Variants in SLC25A21 observed in about 807,000 individuals in gnomAD.
The protein encoded by SLC25A21 is mitochondrial 2-oxodicarboxylate carrier.
A neutral mutation model predicts 43.8 loss-of-function variants in SLC25A21; 47 were observed. That is an observed-to-expected ratio of 1.07 (90% confidence interval 0.85 to 1.37). SLC25A21 has a LOEUF of 1.37. Among genes scored for constraint, SLC25A21 ranks in the 40% most tolerant of loss-of-function variants. The pLI is 0.00. For missense variants in SLC25A21, 352 were observed against 350.2 expected (o/e 1.00, Z -0.04); for synonymous variants, 131 against 121.3 (o/e 1.08, Z -0.52).
chr14:36,764,192 G>GAAAGAAAGAAAGAAAGAAAGAA lies in SLC25A21; in HGVS notation c.204-29620_204-29619insTTCTTTCTTTCTTTCTTTCTTT, dbSNP rs141041432. Among the ~76,000 whole-genome samples the GAAAGAAAGAAAGAAAGAAAGAA allele has an allele frequency of 1.0e-3, 56 of 55,302 alleles. 5 individuals carry two copies. The highest frequency in any genetic ancestry group is 4.5e-3 in the East Asian group (9 of 1,996). The allele number at this position is 55,302 out of a possible 152,430, so 36.3% of individuals were successfully genotyped here. The stretch of plus-strand genomic sequence containing the variant: ...AGAAAGAAAGAAAGAAAGAAAGAAA[G>GAAAGAAAGAAAGAAAGAAAGAA]AGAAAGAAAGAAACTGTTAGCTTCC... On this transcript the variant is annotated intron_variant, in intron 3 of 9. Coordinates refer to ENST00000331299, the MANE Select transcript of SLC25A21 (RefSeq NM_030631.4).
intron 3 of SLC25A21, among the ~76,000 whole-genome samples, chr14:36,750,812 G>T (rs572079761): frequency 6.6e-6 from 1 of 152,256 alleles, no homozygotes; most frequent in African/African-American, 2.4e-5. Context: ...CAGTACCTTT[G>T]CCAGGCAGTT....
At chr14:36,984,225 T>C (rs1383677479) in intron 1 of SLC25A21, among the ~76,000 whole-genome samples, 1 of 152,194 alleles carries the variant, frequency 6.6e-6, no homozygotes, top group Non-Finnish European at 1.5e-5. Context: ...TTACCTCTCC[T>C]GTTATTTGCC....
chr14:36,954,456 A>T (rs1426698971), intron 1 of SLC25A21, among the ~76,000 whole-genome samples: 1 of 151,782 alleles, frequency 6.6e-6, no homozygotes, highest in Admixed American at 6.6e-5. Context: ...TTAGGTTTCC[A>T]TTATTTTCTT....
At chr14:37,011,155 G>A (rs1026221319) in intron 1 of SLC25A21, among the ~76,000 whole-genome samples, 1 of 152,086 alleles carries the variant, frequency 6.6e-6, no homozygotes, top group Non-Finnish European at 1.5e-5. Flanking sequence ...CCAAACTGCG[G>A]GGCTTACAGG....
At chr14:36,934,732 GA>G (rs1892377315) in intron 1 of SLC25A21, among the ~76,000 whole-genome samples, 1 of 152,098 alleles carries the variant, frequency 6.6e-6, no homozygotes, top group Non-Finnish European at 1.5e-5. Context: ...GAGAGAGAGA[GA>G]GAGAGAGAAA....
intron 1 of SLC25A21, among the ~76,000 whole-genome samples, chr14:37,069,450 C>T (rs1345782007): frequency 6.6e-6 from 1 of 152,138 alleles, no homozygotes; most frequent in Non-Finnish European, 1.5e-5. Flanking sequence ...TATGCGTAGA[C>T]ATCCTTTAAA....
chr14:37,129,632 G>A (rs1003280771), intron 1 of SLC25A21, among the ~76,000 whole-genome samples: 4 of 150,392 alleles, frequency 2.7e-5, no homozygotes, highest in South Asian at 2.1e-4. Context: ...GAGATATATT[G>A]TGTTAAAACA....
intron 2 of SLC25A21, among the ~76,000 whole-genome samples, chr14:36,856,435 G>T (rs1889900571): frequency 6.6e-6 from 1 of 152,154 alleles, no homozygotes; most frequent in Admixed American, 6.5e-5. Context: ...AAGGGAGGAG[G>T]AGTAATGGTG....
At chr14:36,898,291 C>T (rs1354684640) in intron 1 of SLC25A21, among the ~76,000 whole-genome samples, 2 of 152,190 alleles carry the variant, frequency 1.3e-5, no homozygotes, top group Non-Finnish European at 2.9e-5. Flanking sequence ...GACTGCTGTG[C>T]TAGCAATGAG....
chr14:36,689,508 A>G (rs1262729364), intron 7 of SLC25A21, among the ~76,000 whole-genome samples: 1 of 152,230 alleles, frequency 6.6e-6, no homozygotes, highest in East Asian at 1.9e-4. Context: ...AAGTAAGGAA[A>G]GGGCAGTGCA....
chr14:36,978,112 T>A lies in SLC25A21; in HGVS notation c.71-103108A>T, dbSNP rs578091876. Among the ~76,000 whole-genome samples, 7 of 152,280 alleles carry A rather than the reference T, an allele frequency of 4.6e-5. No individual in the cohort carries two copies. The South Asian group carries it at 1.4e-3, about 32-fold the overall frequency. On this transcript the variant is annotated intron_variant, in intron 1 of 9. Transcript: ENST00000331299. ...ATATATAAGTGATTAGTGATTTTCT[T>A]CTGTGACTCAAACTGGCTCTAAGGT...
intron 2 of SLC25A21, among the ~76,000 whole-genome samples, chr14:36,846,470 C>G (rs897238745): frequency 3.3e-5 from 5 of 152,154 alleles, no homozygotes; most frequent in African/African-American, 1.2e-4. Context: ...CAACCTCCAC[C>G]TCCTGGGTTC....
intron 1 of SLC25A21, among the ~76,000 whole-genome samples, chr14:36,964,346 T>C (rs1467272548): frequency 2.6e-5 from 4 of 152,216 alleles, no homozygotes; most frequent in African/African-American, 9.6e-5. Context: ...CCCTCATGTA[T>C]GTTAACAAAT....
At chr14:37,041,670 G>A (rs1961475260) in intron 1 of SLC25A21, among the ~76,000 whole-genome samples, 1 of 152,128 alleles carries the variant, frequency 6.6e-6, no homozygotes. Context: ...ATATAGTAAT[G>A]TGTCTAGAGC....
intron 1 of SLC25A21, among the ~76,000 whole-genome samples, chr14:36,876,881 C>A (rs1830914): frequency 0.45 from 66,088 of 145,298 alleles, 15,947 homozygotes; most frequent in Non-Finnish European, 0.53. Flanking sequence ...GAGGGTCTTG[C>A]CCCCATGATG....
At chr14:36,694,315 A>T (rs1475300725) in intron 7 of SLC25A21, among the ~76,000 whole-genome samples, 77 of 151,076 alleles carry the variant, frequency 5.1e-4, no homozygotes, top group African/African-American at 1.8e-3. Flanking sequence ...TCTATCATTG[A>T]TGGACATTTG....
chr14:36,955,485 C>T (rs993480357), intron 1 of SLC25A21, among the ~76,000 whole-genome samples: 2 of 152,126 alleles, frequency 1.3e-5, no homozygotes, highest in Non-Finnish European at 2.9e-5. Flanking sequence ...TCTATCCTGT[C>T]ATTTAGATGG....
chr14:36,855,626 T>C (rs962875973), intron 2 of SLC25A21, among the ~76,000 whole-genome samples: 2 of 152,186 alleles, frequency 1.3e-5, no homozygotes, highest in Non-Finnish European at 2.9e-5. Flanking sequence ...TATGAGCAAC[T>C]GTGGGGTGGG....
chr14:36,700,521 G>A lies in SLC25A21; in HGVS notation c.603+10797C>T, dbSNP rs372409499. 1.4e-4 allele frequency among the ~76,000 whole-genome samples: 22 copies of A among 152,280 alleles called. No individual in the cohort carries two copies. The East Asian group carries it at 3.5e-3, about 24-fold the overall frequency. On this transcript the variant is annotated intron_variant, in intron 7 of 9. Transcript: ENST00000331299. ...CTCTGAAGAAAGAAAGACCCAAAGG[G>A]TCATGTGTCCACATATTTGAAGAAG...
Sources: allele counts gnomAD v4.1 joint callset (sites outside exome capture counted in the v4.1 genomes callset), GRCh38; gene constraint gnomAD v4.1.1; transcripts MANE v1.5; gene names NCBI Gene and HGNC (gene_info 2026-07-23, HGNC 2026-07-21).